Variants in OTOP3 observed in about 807,000 individuals in gnomAD.
OTOP3 encodes proton channel OTOP3.
OTOP3 carries 41 observed loss-of-function variants against 50.8 expected under a neutral mutation model. The ratio of observed to expected loss-of-function variants is 0.81; its 90% CI spans 0.63 to 1.05. The LOEUF (loss-of-function observed/expected upper bound fraction) is 1.05, where lower values mean the gene tolerates loss of function less well. OTOP3 is among the 50% of genes least tolerant of loss of function. The pLI is 0.00. For missense variants in OTOP3, 788 were observed against 760.8 expected (o/e 1.04, Z -0.42); for synonymous variants, 320 against 324.4 (o/e 0.99, Z 0.14).
At chr17:74,938,105 G>A (rs2039136582) in intron 1 of OTOP3, among the ~76,000 whole-genome samples, 1 of 152,140 alleles carries the variant, frequency 6.6e-6, no homozygotes. Context: ...ATGACAGAGT[G>A]GAGTGGGAAA....
intron 5 of OTOP3, among the ~76,000 whole-genome samples, chr17:74,945,250 C>T (rs985766157): frequency 1.3e-5 from 2 of 152,210 alleles, no homozygotes; most frequent in South Asian, 2.1e-4. Context: ...GCCACCATGC[C>T]GGACCCAGTG....
At position 74,943,313 on chromosome 17, in the gene OTOP3, G is replaced by A; in HGVS notation, c.601G>A (p.Asp201Asn). The change falls in exon 4 of 7, where the codon GAC (aspartate) becomes AAC (asparagine). Residue 201 changes from aspartate (D) to asparagine (N), a missense_variant. Transcript: ENST00000328801. ...QTWVLWKHCK[D>N]CVRVQTNFTR... ...CTGGGTGCTCTGGAAACACTGCAAA[G>A]ACTGTGTTCGGGTCCAGACCAACTT... The A allele has an allele frequency of 1.2e-6, 2 of 1,614,248 alleles. No individual in the cohort carries two copies. Among genetic ancestry groups the A allele is most frequent in the Non-Finnish European group, 1.7e-6 (2 of 1,180,050 alleles).
chr17:74,935,956 C>A lies in OTOP3; in HGVS notation c.19+16C>A. ...CCGGCCTCAGGTAAGCCCGGAGCGC[C>A]GGCGGAACTTTCCCAGCTTGCGCAC... On this transcript the variant is annotated intron_variant, in intron 1 of 6. Transcript: ENST00000328801. The A allele has an allele frequency of 6.5e-7, 1 of 1,541,474 alleles. No individual in the cohort carries two copies. Among genetic ancestry groups the A allele is most frequent in the South Asian group, 1.2e-5 (1 of 84,042 alleles).
chr17:74,941,317 A>G, intron 1 of OTOP3, 76 bp from the exon 2 acceptor site: 3 of 1,412,852 alleles, frequency 2.1e-6, no homozygotes, highest in Non-Finnish European at 2.8e-6. Flanking sequence ...CCTGGGTCAC[A>G]CAGCGGTTAG....
At chr17:74,946,566 G>A in intron 5 of OTOP3, 95 bp from the exon 6 acceptor site, 2 of 1,125,514 alleles carry the variant, frequency 1.8e-6, no homozygotes, top group South Asian at 3.0e-5. Flanking sequence ...TTCAGCTCTA[G>A]TGTATTCCAG....
At position 74,943,465 on chromosome 17, in the gene OTOP3, C is replaced by T. The variant is rs1273107496; in HGVS notation, c.632+121C>T. 3 of 1,347,784 alleles carry T rather than the reference C, an allele frequency of 2.2e-6. No homozygotes were observed. In the African/African-American group the frequency reaches 4.3e-5, roughly 19 times the overall value. 83.5% of individuals were successfully genotyped at this position (1,347,784 alleles called of 1,614,324 possible). On this transcript the variant is annotated intron_variant, in intron 4 of 6. Coordinates refer to ENST00000328801, the MANE Select transcript of OTOP3 (RefSeq NM_001272005.2). Reference sequence around the variant, plus strand: ...TGTGTCCTAGGTGGCCCCAGGGCTGCCTCTTGTGTCCTAGTGCCAGTGTGA... The same window carrying T: ...TGTGTCCTAGGTGGCCCCAGGGCTGTCTCTTGTGTCCTAGTGCCAGTGTGA...
chr17:74,941,376 C>G lies in OTOP3; in HGVS notation c.20-17C>G. 1 of 1,470,088 alleles carries G rather than the reference C, an allele frequency of 6.8e-7. No homozygotes were observed. Among genetic ancestry groups the G allele is most frequent in the Non-Finnish European group, 9.0e-7 (1 of 1,107,946 alleles). 91.1% of individuals were successfully genotyped at this position (1,470,088 alleles called of 1,614,324 possible). On this transcript the variant is annotated splice_polypyrimidine_tract_variant and intron_variant, in intron 1 of 6. Transcript: ENST00000328801. ...GACAGCCTGGCAGTTAACCCAGGAC[C>G]CTTTCTCCATCTCCAGCCCCTGCTG...
In OTOP3 at chr17:74,942,043, A is replaced by G. The variant is rs780176822; in HGVS notation, c.573+6A>G. Reference sequence around the variant, plus strand: ...TGGTCTTCATCGGCGTCCAGGTGACAGGCTTCTCACGTCCCCACATCACCG... The same window carrying G: ...TGGTCTTCATCGGCGTCCAGGTGACGGGCTTCTCACGTCCCCACATCACCG... On this transcript the variant is annotated splice_donor_region_variant and intron_variant, in intron 3 of 6. Coordinates refer to ENST00000328801, the MANE Select transcript of OTOP3 (RefSeq NM_001272005.2). 1.2e-6 allele frequency: 2 copies of G among 1,604,024 alleles called. No homozygotes were observed. Among genetic ancestry groups the G allele is most frequent in the Non-Finnish European group, 1.7e-6 (2 of 1,174,402 alleles).
intron 1 of OTOP3, among the ~76,000 whole-genome samples, chr17:74,937,289 A>G (rs1395065857): frequency 6.6e-6 from 1 of 152,156 alleles, no homozygotes; most frequent in Non-Finnish European, 1.5e-5. Context: ...TTTATTGAGC[A>G]TCTACTATGC....
intron 1 of OTOP3, among the ~76,000 whole-genome samples, chr17:74,939,573 C>G (rs1212167024): frequency 3.3e-5 from 5 of 152,288 alleles, no homozygotes; most frequent in Middle Eastern, 3.4e-3. Flanking sequence ...GGACTCAGAG[C>G]TGCAGGCATT....
At chr17:74,945,821 C>G (rs1423365463) in intron 5 of OTOP3, among the ~76,000 whole-genome samples, 1 of 152,166 alleles carries the variant, frequency 6.6e-6, no homozygotes, top group Non-Finnish European at 1.5e-5. Flanking sequence ...CACTCTCACT[C>G]TGTCACCCAA....
At position 74,947,158 on chromosome 17, in the gene OTOP3, G is replaced by A. The variant is rs36036654; in HGVS notation, c.1249G>A (p.Val417Met). The stretch of plus-strand genomic sequence containing the variant: ...GATGGGCATCGCCTATTTCTCCATC[G>A]TGGCCATTGTGGCCAAGCGCCCGCA... Reference protein sequence around the residue: ...GQMGIAYFSIVAIVAKRPHEL... With the variant: ...GQMGIAYFSIMAIVAKRPHEL... Residue 417 changes from valine to methionine, a missense_variant, in exon 6 of 7, where the codon GTG becomes ATG. By Grantham distance (21) the Val-to-Met change is conservative (BLOSUM62 1). Transcript: ENST00000328801. The A allele has an allele frequency of 2.8e-3, 4,499 of 1,613,964 alleles. 105 individuals are homozygous for A. In the South Asian group the frequency reaches 0.031, roughly 11 times the overall value.
Position 74,947,444 on chromosome 17 carries a change from T to G in OTOP3, c.1535T>G (p.Ile512Ser). ...LNWKRRALKE[I>S]SLFLILCNIT... The stretch of plus-strand genomic sequence containing the variant: ...TGGAAGCGGAGGGCACTCAAGGAGA[T>G]CTCACTCTTCCTCATCCTCTGCAAT... The change falls in exon 6 of 7, where the codon ATC (isoleucine) becomes AGC (serine). Residue 512 changes from isoleucine to serine, a missense_variant. Physicochemically the swap from Ile to Ser is moderately radical, Grantham distance 142. Coordinates refer to ENST00000328801, the MANE Select transcript of OTOP3 (RefSeq NM_001272005.2). 1.2e-6 allele frequency: 2 copies of G among 1,609,574 alleles called. No individual in the cohort carries two copies. Among genetic ancestry groups the G allele is most frequent in the Non-Finnish European group, 1.7e-6 (2 of 1,177,810 alleles).
chr17:74,941,399 C>A lies in OTOP3; in HGVS notation c.26C>A (p.Ala9Asp). 1 of 1,504,840 alleles carries A rather than the reference C, an allele frequency of 6.6e-7. No individual in the cohort carries two copies. The highest frequency in any genetic ancestry group is 8.9e-7 in the Non-Finnish European group (1 of 1,125,700). The allele number at this position is 1,504,840 out of a possible 1,614,324, so 93.2% of individuals were successfully genotyped here. A position where few individuals can be genotyped will look rare whatever the true frequency, so the allele number is the denominator to read the frequency against. Reference protein sequence around the residue: MPLPASAPAEATPMPSSEA... With the variant: MPLPASAPDEATPMPSSEA... ...ACCCTTTCTCCATCTCCAGCCCCTGCTGAGGCTACACCCATGCCTTCTTCA... is the reference window on the plus strand; with the variant it reads ...ACCCTTTCTCCATCTCCAGCCCCTGATGAGGCTACACCCATGCCTTCTTCA... Residue 9 changes from alanine to aspartate, a missense_variant, in exon 2 of 7, where the codon GCT becomes GAT. By Grantham distance (126) the Ala-to-Asp change is moderately radical. Coordinates refer to ENST00000328801, the MANE Select transcript of OTOP3 (RefSeq NM_001272005.2).
chr17:74,943,448 A>G (rs937481178), intron 4 of OTOP3, 104 bp downstream of exon 4: 5 of 1,404,266 alleles, frequency 3.6e-6, no homozygotes, highest in Non-Finnish European at 4.0e-6. Flanking sequence ...GATGTGTCCT[A>G]GGTGGCCCCA....
At chr17:74,936,011 C>G (rs2039111237) in intron 1 of OTOP3, 71 bp downstream of exon 1, 6 of 1,531,332 alleles carry the variant, frequency 3.9e-6, no homozygotes, top group Non-Finnish European at 5.2e-6. Flanking sequence ...TACCCACCCC[C>G]CCAAAAGGGG....
chr17:74,946,099 T>G (rs934925256), intron 5 of OTOP3, among the ~76,000 whole-genome samples: 1 of 152,064 alleles, frequency 6.6e-6, no homozygotes, highest in Non-Finnish European at 1.5e-5. Context: ...TGCCTCAGCC[T>G]CCCGAGTAGC....
At position 74,942,894 on chromosome 17, in the gene OTOP3, G is replaced by A. The variant is rs532951212; in HGVS notation, c.574-392G>A. 1.6e-3 allele frequency among the ~76,000 whole-genome samples: 244 copies of A among 148,300 alleles called. 1 individual carries two copies. Among genetic ancestry groups the A allele is most frequent in the South Asian group, 8.8e-4 (4 of 4,562 alleles). ...CGAAAGGCAGATCTTGCAGTGAGCC[G>A]AGATTGCGCCACTGCACTCCAGCCT... On this transcript the variant is annotated intron_variant, in intron 3 of 6. Coordinates refer to ENST00000328801, the MANE Select transcript of OTOP3 (RefSeq NM_001272005.2).
chr17:74,936,961 C>CTCTTTT (rs2039124149), intron 1 of OTOP3, among the ~76,000 whole-genome samples: 1 of 101,306 alleles, frequency 9.9e-6, no homozygotes. Context: ...CCCCCCCACC[C>CTCTTTT]TTTTTTTTTT....
Sources: gnomAD v4.1 joint callset for allele counts (sites outside exome capture counted in the v4.1 genomes callset) on GRCh38, gnomAD v4.1.1 for gene constraint, MANE v1.5 for transcripts, NCBI Gene and HGNC (gene_info 2026-07-23, HGNC 2026-07-21) for gene names.